Variants in GGA2 observed in about 807,000 individuals in gnomAD.
GGA2 encodes ADP-ribosylation factor-binding protein GGA2.
A neutral mutation model predicts 79.5 loss-of-function variants in GGA2; 48 were observed. That is an observed-to-expected ratio of 0.60 (90% CI 0.48 to 0.77). The LOEUF is 0.77. GGA2 is among the 30% of genes least tolerant of loss of function. GGA2 has a pLI of 0.00. For missense variants in GGA2, 770 were observed against 774.0 expected (o/e 0.99, Z 0.06); for synonymous variants, 317 against 302.0 (o/e 1.05, Z -0.51).
intron 8 of GGA2, 83 bp downstream of exon 8, chr16:23,485,932 G>A: frequency 8.0e-7 from 1 of 1,255,818 alleles, no homozygotes; most frequent in South Asian, 1.3e-5. Flanking sequence ...ACTCTGAGAT[G>A]GCTTCATGGG....
At chr16:23,510,530 C>G, upstream of GGA2, 1 of 399,988 alleles carries the variant, frequency 2.5e-6, no homozygotes, top group Non-Finnish European at 4.3e-6. Context: ...GGGGCGGGGC[C>G]GCTGGCGCCA....
At chr16:23,492,314 G>A (rs944244958) in intron 4 of GGA2, among the ~76,000 whole-genome samples, 3 of 152,140 alleles carry the variant, frequency 2.0e-5, no homozygotes, top group Non-Finnish European at 4.4e-5. Flanking sequence ...CCCATCCCCT[G>A]ACCGGTGCCC....
chr16:23,481,759 AAC>A (rs1190373607), intron 9 of GGA2, among the ~76,000 whole-genome samples: 4 of 152,226 alleles, frequency 2.6e-5, no homozygotes, highest in African/African-American at 4.8e-5. Flanking sequence ...CAGCCTGAGC[AAC>A]AGAGTGAGAC....
intron 2 of GGA2, among the ~76,000 whole-genome samples, chr16:23,517,906 T>G (rs1965111340): frequency 7.2e-6 from 1 of 139,766 alleles, no homozygotes. Context: ...GCCTATTTAT[T>G]TATTTATTTA....
At chr16:23,494,815 C>T (rs1964834526) in intron 2 of GGA2, among the ~76,000 whole-genome samples, 1 of 152,254 alleles carries the variant, frequency 6.6e-6, no homozygotes, top group South Asian at 2.1e-4. Context: ...GGCACAGTGG[C>T]TCACGCCTGT....
At chr16:23,483,560 G>A (rs1437222263) in intron 8 of GGA2, among the ~76,000 whole-genome samples, 2 of 152,320 alleles carry the variant, frequency 1.3e-5, no homozygotes, top group South Asian at 2.1e-4. Context: ...GCAGAAGGAG[G>A]TGGAGAACAG....
rs1368198237 is a variant in GGA2, at chr16:23,479,759, C to T, written c.1129+6G>A. On this transcript the variant is annotated splice_donor_region_variant and intron_variant, in intron 11 of 16. Coordinates refer to ENST00000309859, the MANE Select transcript of GGA2 (RefSeq NM_015044.4). ...GTGCCTGCTCCCCACAAGCACCTGC[C>T]CTCACCCAAGGCTGCCAGGTCCTGA... 8.1e-6 allele frequency: 13 copies of T among 1,613,836 alleles called. No individual in the cohort carries two copies. Among genetic ancestry groups the T allele is most frequent in the South Asian group, 7.7e-5 (7 of 91,068 alleles).
chr16:23,482,969 C>A lies in GGA2; in HGVS notation c.834G>T (p.Thr278=). Residue 278 remains threonine (T), a synonymous_variant, in exon 9 of 17, where the codon ACG becomes ACT. Transcript: ENST00000309859. ...VYERCEKLRP[T]LFRLASDTTD... Reference sequence around the variant, plus strand: ...TGGTGTCACTCGCCAACCGGAACAGCGTGGGCCGCAGCTTTTCACACCTCT... The same window carrying A: ...TGGTGTCACTCGCCAACCGGAACAGAGTGGGCCGCAGCTTTTCACACCTCT... 1 of 1,612,740 alleles carries A rather than the reference C, an allele frequency of 6.2e-7. No homozygotes were observed. The highest frequency in any genetic ancestry group is 1.3e-5 in the African/African-American group (1 of 74,974).
intron 13 of GGA2, among the ~76,000 whole-genome samples, chr16:23,477,985 G>A: frequency 6.6e-6 from 1 of 151,794 alleles, no homozygotes; most frequent in South Asian, 2.1e-4. Flanking sequence ...CTGAGGTCAG[G>A]AGTTTGAGAC....
At chr16:23,483,146 C>T (rs1237105869) in intron 8 of GGA2, 142 bp from the exon 9 acceptor site, 13 of 633,694 alleles carry the variant, frequency 2.1e-5, no homozygotes, top group Non-Finnish European at 2.9e-5. Flanking sequence ...TTAGAGACTG[C>T]AGTTTTGAAG....
intron 2 of GGA2, among the ~76,000 whole-genome samples, chr16:23,518,349 C>T (rs981384421): frequency 6.6e-6 from 1 of 152,130 alleles, no homozygotes; most frequent in Non-Finnish European, 1.5e-5. Context: ...GCTGGGACCA[C>T]AAGTGCTCAC....
chr16:23,476,125 T>C (rs1416364777), intron 13 of GGA2, among the ~76,000 whole-genome samples: 1 of 152,172 alleles, frequency 6.6e-6, no homozygotes, highest in African/African-American at 2.4e-5. Flanking sequence ...ACACAAATTA[T>C]ACCAGCTACT....
At chr16:23,519,851 AGT>A (rs1025469713) in intron 1 of GGA2, among the ~76,000 whole-genome samples, 1 of 152,112 alleles carries the variant, frequency 6.6e-6, no homozygotes, top group African/African-American at 2.4e-5. Context: ...AGTTAGTCTG[AGT>A]GTGTTTCTAT....
intron 4 of GGA2, among the ~76,000 whole-genome samples, chr16:23,492,770 G>C (rs1239893579): frequency 6.6e-6 from 1 of 152,268 alleles, no homozygotes; most frequent in Non-Finnish European, 1.5e-5. Flanking sequence ...TGGGGATGCA[G>C]AAGTGCAGCA....
chr16:23,511,658 T>A (rs1025557296), upstream of GGA2, among the ~76,000 whole-genome samples: 6 of 152,184 alleles, frequency 3.9e-5, no homozygotes, highest in Admixed American at 2.6e-4. Flanking sequence ...ATTTTCTGCA[T>A]CACACAGTAC....
In GGA2 at chr16:23,506,703, C is replaced by A. The variant is rs572118866; in HGVS notation, c.91+3618G>T. Reference sequence around the variant, plus strand: ...CCAGCTCTCCGTCCGGGTGGGCCCACTTCGGTTTGCCTCACCAGCCACTCC... The same window carrying A: ...CCAGCTCTCCGTCCGGGTGGGCCCAATTCGGTTTGCCTCACCAGCCACTCC... On this transcript the variant is annotated intron_variant, in intron 1 of 16. Coordinates refer to ENST00000309859, the MANE Select transcript of GGA2 (RefSeq NM_015044.4). Among the ~76,000 whole-genome samples, 6 of 152,326 alleles carry A rather than the reference C, an allele frequency of 3.9e-5. 1 individual carries two copies. In the South Asian group the frequency reaches 1.2e-3, roughly 32 times the overall value.
At chr16:23,470,190 G>GTTTGTA (rs768229517) in intron 14 of GGA2, 25 bp from the exon 15 acceptor site, 2 of 1,555,196 alleles carry the variant, frequency 1.3e-6, no homozygotes, top group Admixed American at 3.8e-5. Context: ...ACAAGCAGAA[G>GTTTGTA]GTTTAACACC....
Position 23,466,140 on chromosome 16 carries a change from TAGA to T in GGA2, c.*1447_*1449del, listed in dbSNP as rs1199736282. On this transcript the variant is annotated 3_prime_UTR_variant, in exon 17 of 17. Transcript: ENST00000309859. ...AGTATTGGCAGATTTCCACTATATG[TAGA>T]AGTCAAAAGATCAGACTGTAAAAAT... is the stretch of plus-strand genomic sequence containing the variant. 8.5e-5 allele frequency: 13 copies of T among 152,320 alleles called. No individual in the cohort carries two copies. The highest frequency in any genetic ancestry group is 2.9e-4 in the African/African-American group (12 of 41,570). The allele number at this position is 152,320 out of a possible 1,614,324, so 9.4% of individuals were successfully genotyped here. A position where few individuals can be genotyped will look rare whatever the true frequency, so the allele number is the denominator to read the frequency against.
At position 23,510,489 on chromosome 16, in the gene GGA2, G is replaced by A. The variant is rs940461964; in HGVS notation, c.-78C>T. On this transcript the variant is annotated 5_prime_UTR_variant, in exon 1 of 17. Transcript: ENST00000309859. ...TAGCGTCCTGGCGCTCTCCTCTGCT[G>A]ACTGCGCGGCAGGAGCGGTGGACAC... 1.7e-5 allele frequency: 9 copies of A among 527,660 alleles called. No individual in the cohort carries two copies. The highest frequency in any genetic ancestry group is 4.5e-5 in the Admixed American group (1 of 22,394). The allele number at this position is 527,660 out of a possible 1,614,324, so 32.7% of individuals were successfully genotyped here.
Sources: gnomAD v4.1 joint callset for allele counts (sites outside exome capture counted in the v4.1 genomes callset) on GRCh38, gnomAD v4.1.1 for gene constraint, MANE v1.5 for transcripts, NCBI Gene and HGNC (gene_info 2026-07-23, HGNC 2026-07-21) for gene names.